FUT9: variants seen among roughly 807,000 people sequenced by gnomAD.
FUT9 encodes fucosyltransferase 9, also known as 4-galactosyl-N-acetylglucosaminide 3-alpha-L-fucosyltransferase 9.
Under a neutral mutation model 29.7 loss-of-function variants are expected in FUT9, and 15 were observed. The observed-to-expected ratio is 0.51, with a 90% CI of 0.34 to 0.78. FUT9 has a LOEUF of 0.78. Among genes scored for constraint, FUT9 ranks in the 30% least tolerant of loss-of-function variants. The pLI, the probability that FUT9 is intolerant of heterozygous loss-of-function variation, is 0.01. For missense variants in FUT9, 319 were observed against 425.4 expected (o/e 0.75, Z 2.20); for synonymous variants, 169 against 153.7 (o/e 1.10, Z -0.74).
chr6:96,042,848 A>G (rs952723892), intron 1 of FUT9, among the ~76,000 whole-genome samples: 23 of 152,206 alleles, frequency 1.5e-4, no homozygotes, highest in African/African-American at 5.1e-4. Flanking sequence ...AGTTTAGAGC[A>G]GGTAATTATT....
intron 1 of FUT9, among the ~76,000 whole-genome samples, chr6:96,056,790 T>A (rs1030620290): frequency 2.6e-5 from 4 of 152,094 alleles, no homozygotes; most frequent in Non-Finnish European, 4.4e-5. Context: ...AAATTAGTCA[T>A]CTAATGAACC....
intron 2 of FUT9, among the ~76,000 whole-genome samples, chr6:96,193,649 T>A (rs1773563723): frequency 6.6e-6 from 1 of 152,076 alleles, no homozygotes; most frequent in African/African-American, 2.4e-5. Context: ...GTGTGGCGAT[T>A]CCTCAAGGAT....
intron 1 of FUT9, among the ~76,000 whole-genome samples, chr6:96,066,091 G>A (rs966130508): frequency 1.3e-5 from 2 of 152,058 alleles, no homozygotes; most frequent in Non-Finnish European, 2.9e-5. Context: ...GGTCACCACT[G>A]CATTGTTTAG....
At chr6:96,160,960 A>G (rs1244554997) in intron 2 of FUT9, among the ~76,000 whole-genome samples, 1 of 152,166 alleles carries the variant, frequency 6.6e-6, no homozygotes, top group Non-Finnish European at 1.5e-5. Flanking sequence ...ATGATTTTGA[A>G]AACGTGAATT....
intron 1 of FUT9, among the ~76,000 whole-genome samples, chr6:96,098,902 T>C (rs1771543518): frequency 6.6e-6 from 1 of 152,166 alleles, no homozygotes; most frequent in Non-Finnish European, 1.5e-5. Context: ...TGAGATACTG[T>C]TGTATACACC....
chr6:96,212,374 C>A lies in FUT9; in HGVS notation c.*8139C>A. 2.4e-6 allele frequency: 1 copy of A among 412,280 alleles called. No homozygotes were observed. The highest frequency in any genetic ancestry group is 3.6e-5 in the East Asian group (1 of 28,040). The allele number at this position is 412,280 out of a possible 1,614,324, so 25.5% of individuals were successfully genotyped here. Reference sequence around the variant, plus strand: ...TTTACTGGTTTTCTGCCTCAAGAGTCCTTAAGCAAATGAAGATTATCTGAT... The same window carrying A: ...TTTACTGGTTTTCTGCCTCAAGAGTACTTAAGCAAATGAAGATTATCTGAT... On this transcript the variant is annotated 3_prime_UTR_variant, in exon 3 of 3. Coordinates refer to ENST00000302103, the MANE Select transcript of FUT9 (RefSeq NM_006581.4).
intron 2 of FUT9, among the ~76,000 whole-genome samples, chr6:96,168,585 A>G (rs144812041): frequency 1.3e-4 from 20 of 152,336 alleles, no homozygotes; most frequent in African/African-American, 4.8e-4. Context: ...GGGAAATAGA[A>G]GAGTTTCATG....
chr6:96,023,100 A>T (rs1258341569), intron 1 of FUT9, among the ~76,000 whole-genome samples: 1 of 151,912 alleles, frequency 6.6e-6, no homozygotes, highest in Non-Finnish European at 1.5e-5. Context: ...GATATTTTGG[A>T]CCAGCTAATA....
intron 2 of FUT9, among the ~76,000 whole-genome samples, chr6:96,127,120 A>G (rs1473912799): frequency 6.6e-6 from 1 of 152,128 alleles, no homozygotes; most frequent in African/African-American, 2.4e-5. Context: ...TGATGGACAG[A>G]TTATTTCTTT....
intron 1 of FUT9, among the ~76,000 whole-genome samples, chr6:96,063,474 T>A (rs1024013388): frequency 2.0e-5 from 3 of 151,982 alleles, no homozygotes; most frequent in Non-Finnish European, 2.9e-5. Context: ...GAGTGAAAGC[T>A]CGGTTATTAC....
At chr6:96,061,262 A>G (rs559054832) in intron 1 of FUT9, among the ~76,000 whole-genome samples, 18 of 146,196 alleles carry the variant, frequency 1.2e-4, no homozygotes, top group Non-Finnish European at 2.6e-4. Context: ...CTTAAGAATG[A>G]TTTTATCACC....
rs11283884 is a variant in FUT9 at position 96,110,815 on chromosome 6, C to CTATTTTTTTTTTATTTATT, written c.-97-3219_-97-3218insTTTTTTTATTTATTTATTT. On this transcript the variant is annotated intron_variant, in intron 1 of 2. Coordinates refer to ENST00000302103, the MANE Select transcript of FUT9 (RefSeq NM_006581.4). ...GGACTACAGGTATGCACAAATGTGCCTATTTATTTATTTATTTATTTATTT... is the reference window on the plus strand; with the variant it reads ...GGACTACAGGTATGCACAAATGTGCCTATTTTTTTTTTATTTATTTATTTATTTATTTATTTATTTATTT... 4.1e-5 allele frequency among the ~76,000 whole-genome samples: 6 copies of CTATTTTTTTTTTATTTATT among 145,046 alleles called. No homozygotes were observed. The East Asian group carries it at 6.1e-4, about 15-fold the overall frequency.
rs12213218 is a variant in FUT9 at position 96,215,183 on chromosome 6, C to T, written c.*10948C>T. The T allele has an allele frequency of 0.14, 23,404 of 166,908 alleles. 1,854 individuals carry two copies. Among genetic ancestry groups the T allele is most frequent in the Non-Finnish European group, 0.18 (12,329 of 68,032 alleles). 10.3% of individuals were successfully genotyped at this position (166,908 alleles called of 1,614,324 possible). A position where few individuals can be genotyped will look rare whatever the true frequency, so the allele number is the denominator to read the frequency against. ...TTAATAAGCCATGAAAGGCAAGATG[C>T]CAGAGAAAATCTGTATATTCAGCTA... On this transcript the variant is annotated 3_prime_UTR_variant, in exon 3 of 3. Coordinates refer to ENST00000302103, the MANE Select transcript of FUT9 (RefSeq NM_006581.4).
intron 1 of FUT9, among the ~76,000 whole-genome samples, chr6:96,101,248 A>G (rs1034688885): frequency 2.0e-5 from 3 of 152,192 alleles, no homozygotes; most frequent in Admixed American, 6.5e-5. Context: ...TATTAAGAAC[A>G]TAAAAATGGG....
At chr6:96,038,221 T>C (rs554917754) in intron 1 of FUT9, among the ~76,000 whole-genome samples, 2 of 152,204 alleles carry the variant, frequency 1.3e-5, no homozygotes, top group East Asian at 3.9e-4. Flanking sequence ...AAGAGTAAAG[T>C]TTTCAAAAGA....
In FUT9 at chr6:96,204,204, T is replaced by G; in HGVS notation, c.1049T>G (p.Val350Gly). 6.9e-7 allele frequency: 1 copy of G among 1,445,504 alleles called. No homozygotes were observed. Among genetic ancestry groups the G allele is most frequent in the Non-Finnish European group, 9.1e-7 (1 of 1,095,906 alleles). The allele number at this position is 1,445,504 out of a possible 1,614,324, so 89.5% of individuals were successfully genotyped here. A position where few individuals can be genotyped will look rare whatever the true frequency, so the allele number is the denominator to read the frequency against. ...AAAAGGCATCAAGAATATAAGTCTG[T>G]TGGTAATTTAGAGAAATGGTTTTGG... Reference protein sequence around the residue: ...HVKRHQEYKSVGNLEKWFWN With the variant: ...HVKRHQEYKSGGNLEKWFWN Residue 350 changes from valine to glycine, a missense_variant, in exon 3 of 3, where the codon GTT becomes GGT. Val to Gly is a moderately radical substitution (Grantham distance 109, BLOSUM62 -3). Coordinates refer to ENST00000302103, the MANE Select transcript of FUT9 (RefSeq NM_006581.4).
rs542009015 is a variant in FUT9, at chr6:96,023,504, C to G, written c.-98+7292C>G. ...GCAAATGGCAGAGGAATGTTGGTAC[C>G]CCTGGGAGTAACCTGTAGTAATGTG... On this transcript the variant is annotated intron_variant, in intron 1 of 2. Coordinates refer to ENST00000302103, the MANE Select transcript of FUT9 (RefSeq NM_006581.4). Among the ~76,000 whole-genome samples the G allele has an allele frequency of 2.6e-5, 4 of 151,900 alleles. No individual in the cohort carries two copies. In the East Asian group the frequency reaches 7.8e-4, roughly 29 times the overall value.
intron 1 of FUT9, among the ~76,000 whole-genome samples, chr6:96,025,020 C>A (rs1035744511): frequency 1.3e-5 from 2 of 151,832 alleles, no homozygotes; most frequent in African/African-American, 2.4e-5. Flanking sequence ...TGTAAGTCAA[C>A]ACAGCATTTG....
At chr6:96,107,225 T>G (rs1021708994) in intron 1 of FUT9, among the ~76,000 whole-genome samples, 2 of 152,180 alleles carry the variant, frequency 1.3e-5, no homozygotes, top group East Asian at 3.9e-4. Context: ...ACTTGCATAT[T>G]TTATTTTCTA....
Sources: allele counts gnomAD v4.1 joint callset (sites outside exome capture counted in the v4.1 genomes callset), GRCh38; gene constraint gnomAD v4.1.1; transcripts MANE v1.5; gene names NCBI Gene and HGNC (gene_info 2026-07-23, HGNC 2026-07-21).